Variants in JAKMIP3 observed in about 807,000 individuals in gnomAD.
JAKMIP3 encodes janus kinase and microtubule-interacting protein 3.
Under a neutral mutation model 118.5 loss-of-function variants are expected in JAKMIP3, and 58 were observed. The observed-to-expected ratio is 0.49, with a 90% CI of 0.40 to 0.61. JAKMIP3 has a LOEUF of 0.61. Ranked by LOEUF, JAKMIP3 falls within the 20% of genes least tolerant of loss-of-function variation. The probability of loss-of-function intolerance (pLI) is 0.00; values close to 1 mark genes in which losing one functional copy is unlikely to be tolerated. For missense variants in JAKMIP3, 950 were observed against 1,109.0 expected, an observed-to-expected ratio of 0.86 and a Z score of 2.04; for synonymous variants, 486 against 451.2, an observed-to-expected ratio of 1.08 and a Z score of -0.98.
In JAKMIP3 at chr10:132,072,981, C is replaced by T. The variant is rs2040210470; in HGVS notation, c.-138+6920C>T. On this transcript the variant is annotated intron_variant, in intron 1 of 23. Coordinates refer to ENST00000684848, the MANE Select transcript of JAKMIP3 (RefSeq NM_001323087.2). ...CCGTGTGTTCCCATCATTTAGCTCC[C>T]ACTTGTGAGAACGTGTATTTATTTG... 3.9e-5 allele frequency among the ~76,000 whole-genome samples: 6 copies of T among 152,240 alleles called. No homozygotes were observed. In the South Asian group the frequency reaches 1.2e-3, roughly 32 times the overall value.
At chr10:132,079,083 C>A (rs1284088308) in intron 1 of JAKMIP3, among the ~76,000 whole-genome samples, 2 of 144,084 alleles carry the variant, frequency 1.4e-5, no homozygotes, top group Non-Finnish European at 3.0e-5. Context: ...GAGACCCCCA[C>A]AGCCAGCTGC....
intron 1 of JAKMIP3, among the ~76,000 whole-genome samples, chr10:132,074,851 G>A (rs563724512): frequency 3.3e-5 from 5 of 152,242 alleles, no homozygotes; most frequent in Admixed American, 1.3e-4. Context: ...GTTAATTTTT[G>A]CATATGATGA....
At chr10:132,078,990 G>T (rs2041330734) in intron 1 of JAKMIP3, among the ~76,000 whole-genome samples, 1 of 152,206 alleles carries the variant, frequency 6.6e-6, no homozygotes, top group Non-Finnish European at 1.5e-5. Flanking sequence ...TGGCCCTGAA[G>T]GCTCAGACAA....
At chr10:132,090,116 TTTGA>T (rs1173120426) in intron 1 of JAKMIP3, among the ~76,000 whole-genome samples, 1 of 152,194 alleles carries the variant, frequency 6.6e-6, no homozygotes, top group African/African-American at 2.4e-5. Flanking sequence ...TTTGCCAGTA[TTTGA>T]TTGAGGATTT....
chr10:132,037,962 C>T lies in JAKMIP3; in HGVS notation c.-138+1224C>T, dbSNP rs898160625. Among the ~76,000 whole-genome samples the T allele has an allele frequency of 2.0e-5, 3 of 152,262 alleles. No individual in the cohort carries two copies. In the South Asian group the frequency reaches 6.2e-4, roughly 32 times the overall value. ...AATCTGGAAGAAGCCGGGAATGTCACTCCTTGTCTGGCCTGGTCAGCTTTC... is the reference window on the plus strand; with the variant it reads ...AATCTGGAAGAAGCCGGGAATGTCATTCCTTGTCTGGCCTGGTCAGCTTTC... On this transcript the variant is annotated intron_variant, in intron 1 of 23. Transcript: ENST00000657785.
At chr10:132,038,750 G>A (rs1346437035) in intron 1 of JAKMIP3, among the ~76,000 whole-genome samples, 11 of 145,560 alleles carry the variant, frequency 7.6e-5, no homozygotes, top group African/African-American at 1.3e-4. Flanking sequence ...CTGAGATCGC[G>A]CCACTGCACT....
intron 2 of JAKMIP3, among the ~76,000 whole-genome samples, chr10:132,109,952 C>G (rs1039877213): frequency 2.0e-5 from 3 of 152,242 alleles, no homozygotes; most frequent in Admixed American, 6.5e-5. Flanking sequence ...GAAGTCTTTA[C>G]TGTGTCCGTG....
intron 2 of JAKMIP3, among the ~76,000 whole-genome samples, chr10:132,111,351 C>T (rs997470562): frequency 1.3e-5 from 2 of 151,598 alleles, no homozygotes; most frequent in African/African-American, 2.4e-5. Flanking sequence ...GAGCAGAGAC[C>T]CCCCCCATGA....
intron 23 of JAKMIP3, among the ~76,000 whole-genome samples, chr10:132,180,554 C>CGTGTGTGCGCGTGTGTGCGTGTGTGT (rs1565018276): frequency 2.3e-4 from 1 of 4,332 alleles, no homozygotes; most frequent in Non-Finnish European, 5.5e-4. Context: ...TGCGTGCGTG[C>CGTGTGTGCGCGTGTGTGCGTGTGTGT]ATGCGTGTGT....
intron 1 of JAKMIP3, among the ~76,000 whole-genome samples, chr10:132,053,529 G>T (rs1383124743): frequency 1.3e-5 from 2 of 152,190 alleles, no homozygotes; most frequent in African/African-American, 4.8e-5. Flanking sequence ...ACCTGCTCAT[G>T]TCTCTCAGTC....
intron 2 of JAKMIP3, 97 bp from the exon 3 acceptor site, chr10:132,116,980 T>G: frequency 7.4e-7 from 1 of 1,360,226 alleles, no homozygotes; most frequent in Non-Finnish European, 1.0e-6. Flanking sequence ...CAGGTGTGAG[T>G]GTGTGCAACG....
intron 1 of JAKMIP3, among the ~76,000 whole-genome samples, chr10:132,057,782 G>A (rs1172940251): frequency 6.6e-6 from 1 of 152,190 alleles, no homozygotes; most frequent in South Asian, 2.1e-4. Flanking sequence ...TGAGAGGGAC[G>A]CTGTCTCCAG....
intron 1 of JAKMIP3, among the ~76,000 whole-genome samples, chr10:132,098,509 G>C (rs536938719): frequency 6.6e-6 from 1 of 152,372 alleles, no homozygotes; most frequent in East Asian, 1.9e-4. Flanking sequence ...CCTGAGGGCT[G>C]TGTGGGTTGT....
chr10:132,171,656 T>C (rs10781562), intron 23 of JAKMIP3, among the ~76,000 whole-genome samples: 67,157 of 140,898 alleles, frequency 0.48, 16,479 homozygotes, highest in East Asian at 0.9. Context: ...TTCTTTCTTT[T>C]TTTTTTTTTT....
At chr10:132,059,891 G>T (rs1198461294), upstream of JAKMIP3, among the ~76,000 whole-genome samples, 3 of 152,228 alleles carry the variant, frequency 2.0e-5, no homozygotes, top group African/African-American at 7.2e-5. Context: ...AGGATGGGGA[G>T]CTTTCAATCT....
intron 1 of JAKMIP3, among the ~76,000 whole-genome samples, chr10:132,057,766 C>T (rs1411678256): frequency 1.3e-5 from 2 of 152,180 alleles, no homozygotes; most frequent in Middle Eastern, 3.2e-3. Flanking sequence ...CCTGTGTCAA[C>T]CCCAGTGAGA....
intron 16 of JAKMIP3, among the ~76,000 whole-genome samples, chr10:132,150,750 G>GTCCTCCATAATCCATT (rs2055987528): frequency 6.9e-6 from 1 of 145,712 alleles, no homozygotes; most frequent in African/African-American, 2.6e-5. Flanking sequence ...CATAATCCAT[G>GTCCTCCATAATCCATT]TATCCGTCCT....
At chr10:132,038,987 A>G (rs2133746949) in intron 1 of JAKMIP3, among the ~76,000 whole-genome samples, 1 of 152,212 alleles carries the variant, frequency 6.6e-6, no homozygotes, top group South Asian at 2.1e-4. Flanking sequence ...CCCTTCACCC[A>G]GCGGAGCCGC....
chr10:132,109,124 A>G (rs1490770059), intron 2 of JAKMIP3, among the ~76,000 whole-genome samples: 1 of 138,308 alleles, frequency 7.2e-6, no homozygotes, highest in Non-Finnish European at 1.5e-5. Flanking sequence ...ATATATATAT[A>G]CACACACACA....
Sources: allele counts gnomAD v4.1 joint callset (sites outside exome capture counted in the v4.1 genomes callset), GRCh38; gene constraint gnomAD v4.1.1; transcripts MANE v1.5; gene names NCBI Gene and HGNC (gene_info 2026-07-23, HGNC 2026-07-21).